Variants in RPS6KA2 observed in about 807,000 individuals in gnomAD.
RPS6KA2 encodes the protein ribosomal protein S6 kinase A2, also known as ribosomal protein S6 kinase alpha-2.
RPS6KA2 carries 42 observed loss-of-function variants against 91.8 expected under a neutral mutation model. The observed-to-expected ratio is 0.46, with a 90% CI of 0.36 to 0.59. The LOEUF is 0.59. Among genes scored for constraint, RPS6KA2 ranks in the 20% least tolerant of loss-of-function variants. RPS6KA2 has a pLI of 0.00. For synonymous variants in RPS6KA2, 414 were observed against 393.6 expected, an observed-to-expected ratio of 1.05 and a Z score of -0.61; for missense variants, 798 against 978.5, an observed-to-expected ratio of 0.82 and a Z score of 2.46.
chr6:166,559,083 T>C (rs1163102789), intron 1 of RPS6KA2, among the ~76,000 whole-genome samples: 1 of 152,182 alleles, frequency 6.6e-6, no homozygotes, highest in South Asian at 2.1e-4. Flanking sequence ...CATCTCTTCA[T>C]GAGGATTAGA....
chr6:166,575,511 C>T (rs1025174214), intron 1 of RPS6KA2, among the ~76,000 whole-genome samples: 5 of 152,180 alleles, frequency 3.3e-5, no homozygotes, highest in South Asian at 2.1e-4. Context: ...TTTTAAATGA[C>T]GATCCACTGA....
At chr6:166,556,324 G>C (rs572157763) in intron 1 of RPS6KA2, among the ~76,000 whole-genome samples, 1 of 152,328 alleles carries the variant, frequency 6.6e-6, no homozygotes, top group South Asian at 2.1e-4. Context: ...ACTGACTGTA[G>C]ATGTTACTAC....
At chr6:166,793,609 C>G (rs1310315907) in intron 2 of RPS6KA2, among the ~76,000 whole-genome samples, 1 of 151,596 alleles carries the variant, frequency 6.6e-6, no homozygotes, top group African/African-American at 2.4e-5. Flanking sequence ...AACTATACTA[C>G]AAGGCTACAG....
chr6:166,783,910 TCAC>T (rs1778853398), intron 2 of RPS6KA2, among the ~76,000 whole-genome samples: 1 of 46,932 alleles, frequency 2.1e-5, no homozygotes, highest in Admixed American at 2.0e-4. Flanking sequence ...CACCTACGCA[TCAC>T]CACATATGCA....
Position 166,732,014 on chromosome 6 carries a change from T to A in RPS6KA2, c.123+126186A>T, listed in dbSNP as rs1790540386. 6.6e-6 allele frequency among the ~76,000 whole-genome samples: 1 copy of A among 152,186 alleles called. No homozygotes were observed. The highest frequency in any genetic ancestry group is 1.5e-5 in the Non-Finnish European group (1 of 68,024). Reference sequence around the variant, plus strand: ...AGTAGATGGAAAGGCCTCATAGAAATTTTTTATTAGTGGTGGCTACTGAGG... The same window carrying A: ...AGTAGATGGAAAGGCCTCATAGAAAATTTTTATTAGTGGTGGCTACTGAGG... On this transcript the variant is annotated intron_variant, in intron 2 of 21. Transcript: ENST00000503859. The surrounding 1 kb of genome is among the most constrained non-coding windows in gnomAD (Gnocchi z 4.0).
intron 2 of RPS6KA2, among the ~76,000 whole-genome samples, chr6:166,659,605 C>A (rs1788100822): frequency 6.6e-6 from 1 of 152,198 alleles, no homozygotes; most frequent in African/African-American, 2.4e-5. Context: ...TCAATCATTC[C>A]AGGGAGTGGA....
intron 2 of RPS6KA2, among the ~76,000 whole-genome samples, chr6:166,804,239 C>T (rs1251174208): frequency 6.6e-6 from 1 of 152,002 alleles, no homozygotes; most frequent in Non-Finnish European, 1.5e-5. Context: ...TAAATAACAG[C>T]CCACAGGCCC....
chr6:166,485,713 G>A (rs574397897), intron 10 of RPS6KA2, among the ~76,000 whole-genome samples: 145 of 150,754 alleles, frequency 9.6e-4, no homozygotes, highest in Middle Eastern at 3.4e-3. Context: ...CCAGACGCAC[G>A]GTGATGAACG....
intron 2 of RPS6KA2, among the ~76,000 whole-genome samples, chr6:166,802,637 T>A (rs971876207): frequency 6.6e-6 from 1 of 152,188 alleles, no homozygotes; most frequent in Non-Finnish European, 1.5e-5. Flanking sequence ...GGGACTGTGA[T>A]GGGCTCCCCC....
At chr6:166,845,460 G>A (rs1003314110) in intron 2 of RPS6KA2, among the ~76,000 whole-genome samples, 2 of 152,068 alleles carry the variant, frequency 1.3e-5, no homozygotes, top group East Asian at 1.9e-4. Context: ...CATATGATAG[G>A]CCACAAAACA....
chr6:166,552,614 T>A (rs757102137), intron 1 of RPS6KA2, among the ~76,000 whole-genome samples: 29 of 152,204 alleles, frequency 1.9e-4, no homozygotes, highest in Non-Finnish European at 3.5e-4. Context: ...CTGTTCTGCA[T>A]CTGGACCACA....
chr6:166,739,262 T>G (rs1279044710), intron 2 of RPS6KA2, among the ~76,000 whole-genome samples: 2 of 152,246 alleles, frequency 1.3e-5, no homozygotes, highest in African/African-American at 4.8e-5. Flanking sequence ...ATTCCATATG[T>G]AAATAGTTTT....
chr6:166,790,909 A>C (rs573870148), intron 2 of RPS6KA2, among the ~76,000 whole-genome samples: 1 of 152,342 alleles, frequency 6.6e-6, no homozygotes, highest in South Asian at 2.1e-4. Flanking sequence ...CTGCAAAAAC[A>C]TGCCAAAATG....
At chr6:166,430,704 G>A (rs1228267583) in intron 15 of RPS6KA2, 93 bp from the exon 16 acceptor site, 58 of 1,329,806 alleles carry the variant, frequency 4.4e-5, no homozygotes, top group Non-Finnish European at 5.6e-5. Context: ...AAGTCAGAGG[G>A]GAGAGGCTGG....
intron 2 of RPS6KA2, among the ~76,000 whole-genome samples, chr6:166,811,619 G>A (rs1779641869): frequency 6.6e-6 from 1 of 152,136 alleles, no homozygotes. Context: ...GCAAGACCTA[G>A]CCTCAGAAAA....
intron 2 of RPS6KA2, among the ~76,000 whole-genome samples, chr6:166,713,798 G>C (rs1789935424): frequency 6.6e-6 from 1 of 152,276 alleles, no homozygotes; most frequent in Non-Finnish European, 1.5e-5. Flanking sequence ...CCTGGGGTCA[G>C]CACTGGCCAC....
chr6:166,536,672 C>T (rs540395403), intron 2 of RPS6KA2, among the ~76,000 whole-genome samples: 7 of 152,324 alleles, frequency 4.6e-5, no homozygotes, highest in African/African-American at 1.7e-4. Context: ...TCCTGCCCCG[C>T]CCCTCACACC....
chr6:166,688,671 G>A lies in RPS6KA2; in HGVS notation c.124-149887C>T, dbSNP rs139306397. On this transcript the variant is annotated intron_variant, in intron 2 of 21. Transcript: ENST00000503859. ...GGAAGGCGAGAGCGACAGCGTCAGCGTGAGGCTGGCAACAGACAGCGTTGA... is the reference window on the plus strand; with the variant it reads ...GGAAGGCGAGAGCGACAGCGTCAGCATGAGGCTGGCAACAGACAGCGTTGA... Among the ~76,000 whole-genome samples, 181 of 152,362 alleles carry A rather than the reference G, an allele frequency of 1.2e-3. 5 individuals are homozygous for A. The East Asian group carries it at 0.029, about 25-fold the overall frequency.
chr6:166,549,790 C>T lies in RPS6KA2; in HGVS notation c.100-11006G>A, dbSNP rs1044223525. ...TGCAGAGAACTCATATACACACACA[C>T]GAGTACACGTAAAACTGGTAAAATA... is the stretch of plus-strand genomic sequence containing the variant. On this transcript the variant is annotated intron_variant, in intron 1 of 20. Coordinates refer to ENST00000265678, the MANE Select transcript of RPS6KA2 (RefSeq NM_021135.6). Among the ~76,000 whole-genome samples the T allele has an allele frequency of 1.1e-4, 17 of 152,048 alleles. No homozygotes were observed. In the East Asian group the frequency reaches 2.3e-3, roughly 21 times the overall value.
Sources: gnomAD v4.1 joint callset for allele counts (sites outside exome capture counted in the v4.1 genomes callset) on GRCh38, gnomAD v4.1.1 for gene constraint, Gnocchi (gnomAD v3.1) non-coding constraint, MANE v1.5 for transcripts, NCBI Gene and HGNC (gene_info 2026-07-23, HGNC 2026-07-21) for gene names.